The following PKD1L3 variants were observed in gnomAD, a reference collection of about 807,000 sequenced individuals.
PKD1L3 encodes polycystin 1 like 3, transient receptor potential channel interacting.
In PKD1L3, 239 loss-of-function variants were observed where a neutral mutation model predicts 184.1. The observed-to-expected ratio is 1.30, with a 90% CI of 1.17 to 1.45. PKD1L3 has a LOEUF of 1.45. Among genes scored for constraint, PKD1L3 ranks in the 40% most tolerant of loss-of-function variants. PKD1L3 has a pLI of 0.00. For synonymous variants in PKD1L3, 996 were observed against 778.8 expected (o/e 1.28, Z -4.64); for missense variants, 2,660 against 2,067.2 (o/e 1.29, Z -5.56).
chr16:71,993,032 A>G (rs1479582745), intron 3 of PKD1L3, among the ~76,000 whole-genome samples, 184 bp downstream of exon 3: 1 of 152,238 alleles, frequency 6.6e-6, no homozygotes, highest in Non-Finnish European at 1.5e-5. Flanking sequence ...GGCCAAGGGC[A>G]TATCAAGAAA....
At chr16:71,941,837 GC>G (rs2038373095) in intron 24 of PKD1L3, among the ~76,000 whole-genome samples, 1 of 151,446 alleles carries the variant, frequency 6.6e-6, no homozygotes, top group Non-Finnish European at 1.5e-5. Context: ...ACCTGCCTCG[GC>G]CTCCCAAAGT....
At chr16:71,976,121 T>C (rs1338875350) in intron 11 of PKD1L3, among the ~76,000 whole-genome samples, 2 of 152,116 alleles carry the variant, frequency 1.3e-5, no homozygotes, top group Non-Finnish European at 1.5e-5. Flanking sequence ...CTAATTTTTA[T>C]ACTTTTAGGA....
chr16:71,945,228 G>C (rs116716469), intron 22 of PKD1L3, among the ~76,000 whole-genome samples: 1 of 122,070 alleles, frequency 8.2e-6, no homozygotes, highest in Non-Finnish European at 1.7e-5. Context: ...ATTAAAATAT[G>C]GATTCTGGAG....
intron 2 of PKD1L3, 62 bp downstream of exon 2, chr16:71,998,210 T>C (rs1019762438): frequency 3.2e-6 from 5 of 1,541,394 alleles, no homozygotes; most frequent in Non-Finnish European, 4.4e-6. Flanking sequence ...TCACATGCAC[T>C]CCTTATTTAG....
chr16:71,980,742 G>C (rs369538055), intron 7 of PKD1L3, among the ~76,000 whole-genome samples: 2 of 152,264 alleles, frequency 1.3e-5, no homozygotes, highest in African/African-American at 4.8e-5. Context: ...GGCTGAGGTG[G>C]AAGAATTGCT....
chr16:71,978,342 G>C lies in PKD1L3; in HGVS notation c.1440C>G (p.Asn480Lys). The change falls in exon 10 of 30, where the codon AAC becomes AAG. Residue 480 changes from asparagine (N) to lysine (K), a missense_variant. Asn to Lys is a moderately conservative substitution (Grantham distance 94). Transcript: ENST00000620267. ...TTCCAATGCTTCCAACAATGTTTCT[G>C]TTGTCCAAATCCTTGAAGGGATTGA... ...LAFNPFKDLD[N>K]RNIVGSIGSV... 3 of 1,550,582 alleles carry C rather than the reference G, an allele frequency of 1.9e-6. No homozygotes were observed. Among genetic ancestry groups the C allele is most frequent in the Non-Finnish European group, 2.6e-6 (3 of 1,146,384 alleles).
Position 71,979,898 on chromosome 16 carries a change from G to C in PKD1L3, c.1286C>G (p.Thr429Ser), listed in dbSNP as rs7185272. ...CAGAGTGTAAGAGCTCAGCGGTAAAGTTGATATGTTTTGTCTAATGAGAAA... is the reference window on the plus strand; with the variant it reads ...CAGAGTGTAAGAGCTCAGCGGTAAACTTGATATGTTTTGTCTAATGAGAAA... ...TLLLSRQNIS[T>S]LPLSSYTLGH... The change falls in exon 9 of 30, where the codon ACT (threonine) becomes AGT (serine). Residue 429 changes from threonine to serine, a missense_variant. Transcript: ENST00000620267. 0.77 allele frequency: 1,200,233 copies of C among 1,549,412 alleles called. 466,978 individuals are homozygous for C. Among genetic ancestry groups the C allele is most frequent in the South Asian group, 0.85 (71,193 of 83,456 alleles).
At chr16:71,959,959 AAT>A (rs1254400356) in intron 16 of PKD1L3, among the ~76,000 whole-genome samples, 1 of 152,070 alleles carries the variant, frequency 6.6e-6, no homozygotes, top group Non-Finnish European at 1.5e-5. Context: ...TTTCTACAAA[AAT>A]AGTTTTAAAA....
chr16:71,974,556 C>G (rs905314220), intron 11 of PKD1L3, among the ~76,000 whole-genome samples: 1 of 152,092 alleles, frequency 6.6e-6, no homozygotes, highest in Non-Finnish European at 1.5e-5. Flanking sequence ...GTGGCATATG[C>G]GCCTGCAGTC....
intron 2 of PKD1L3, among the ~76,000 whole-genome samples, chr16:71,995,341 T>C (rs561875962): frequency 6.6e-6 from 1 of 152,330 alleles, no homozygotes; most frequent in East Asian, 1.9e-4. Context: ...ATTCAAACCA[T>C]AGCAATAATT....
intron 2 of PKD1L3, among the ~76,000 whole-genome samples, chr16:71,995,410 G>T (rs2040751099): frequency 6.6e-6 from 1 of 152,122 alleles, no homozygotes. Context: ...ATTTCGAAAG[G>T]TCTCATTTCC....
intron 26 of PKD1L3, among the ~76,000 whole-genome samples, chr16:71,934,935 C>T (rs1340754179): frequency 6.6e-6 from 1 of 152,224 alleles, no homozygotes; most frequent in Non-Finnish European, 1.5e-5. Context: ...CACCAAAAAT[C>T]TCTTAGTATG....
At chr16:71,965,608 C>T (rs943004167) in intron 15 of PKD1L3, among the ~76,000 whole-genome samples, 11 of 149,866 alleles carry the variant, frequency 7.3e-5, no homozygotes, top group African/African-American at 2.2e-4. Flanking sequence ...AGTTGGACTG[C>T]GGTGGCACCA....
At chr16:71,947,445 AT>A (rs1453052523) in intron 22 of PKD1L3, 46 bp downstream of exon 22, 16 of 1,303,408 alleles carry the variant, frequency 1.2e-5, no homozygotes, top group African/African-American at 1.5e-5. Flanking sequence ...GCCAGATCTA[AT>A]TTGCTTTTTG....
chr16:71,930,439 G>A, intron 28 of PKD1L3: 1 of 310,614 alleles, frequency 3.2e-6, no homozygotes, highest in Non-Finnish European at 5.9e-6. Context: ...CAGTGGAATT[G>A]GAAATGATTC....
chr16:71,985,461 G>C (rs1451602557), intron 5 of PKD1L3, among the ~76,000 whole-genome samples: 1 of 152,094 alleles, frequency 6.6e-6, no homozygotes, highest in African/African-American at 2.4e-5. Context: ...CTGTTGCCCA[G>C]CCTACAGTAT....
At position 71,944,701 on chromosome 16, in the gene PKD1L3, G is replaced by GTTTTT. The variant is rs200921195; in HGVS notation, c.3719-532_3719-531insAAAAA. Among the ~76,000 whole-genome samples the GTTTTT allele has an allele frequency of 2.8e-5, 4 of 141,144 alleles. 1 individual carries two copies. Among genetic ancestry groups the GTTTTT allele is most frequent in the African/African-American group, 2.6e-5 (1 of 38,532 alleles). 92.6% of individuals were successfully genotyped at this position (141,144 alleles called of 152,430 possible). On this transcript the variant is annotated intron_variant, in intron 22 of 29. Coordinates refer to ENST00000620267, the MANE Select transcript of PKD1L3 (RefSeq NM_181536.2). Reference sequence around the variant, plus strand: ...CATAGCAAGACCATATCTGTTTTTTGTTTGTTTTTTTTTTTTGAGACGGAG... The same window carrying GTTTTT: ...CATAGCAAGACCATATCTGTTTTTTGTTTTTTTTGTTTTTTTTTTTTGAGACGGAG...
chr16:71,945,381 CACATATAT>C (rs1264225446), intron 22 of PKD1L3, among the ~76,000 whole-genome samples: 3 of 62,096 alleles, frequency 4.8e-5, no homozygotes, highest in African/African-American at 1.8e-4. Flanking sequence ...CACGCACACA[CACATATAT>C]ATATATATAT....
intron 16 of PKD1L3, among the ~76,000 whole-genome samples, chr16:71,955,241 T>C (rs2038998711): frequency 6.6e-6 from 1 of 151,738 alleles, no homozygotes; most frequent in Non-Finnish European, 1.5e-5. Context: ...GTGGTGTTTG[T>C]GGTGGAAGGG....
Sources: allele counts gnomAD v4.1 joint callset (sites outside exome capture counted in the v4.1 genomes callset), GRCh38; gene constraint gnomAD v4.1.1; transcripts MANE v1.5; gene names NCBI Gene and HGNC (gene_info 2026-07-23, HGNC 2026-07-21).